MGRN1: variants seen among roughly 807,000 people sequenced by gnomAD.
The protein encoded by MGRN1 is mahogunin ring finger 1, also known as E3 ubiquitin-protein ligase MGRN1.
MGRN1 carries 29 observed loss-of-function variants against 69.2 expected under a neutral mutation model. That is an observed-to-expected ratio of 0.42 (90% CI 0.31 to 0.57). The LOEUF is 0.57. Ranked by LOEUF, MGRN1 falls within the 20% of genes least tolerant of loss-of-function variation. The pLI is 0.15. For missense variants in MGRN1, 998 were observed against 796.2 expected (o/e 1.25, Z -3.05); for synonymous variants, 470 against 344.2 (o/e 1.37, Z -4.04).
In MGRN1 at chr16:4,683,849, G is replaced by A. The variant is rs372499842; in HGVS notation, c.1535G>A (p.Arg512Gln). Residue 512 changes from arginine to glutamine, a missense_variant, in exon 16 of 17, where the codon CGA becomes CAA. Coordinates refer to ENST00000262370, the MANE Select transcript of MGRN1 (RefSeq NM_015246.4). ...DESSSPQQGT[R>Q]AASIENVLQD... ...CCTCACCCTCTGCCTGCAGGGACCCGAGCAGCTTCCATTGAGAATGTCCTG... is the reference window on the plus strand; with the variant it reads ...CCTCACCCTCTGCCTGCAGGGACCCAAGCAGCTTCCATTGAGAATGTCCTG... The A allele has an allele frequency of 1.4e-5, 22 of 1,612,048 alleles. No homozygotes were observed. The highest frequency in any genetic ancestry group is 8.3e-5 in the Admixed American group (5 of 59,944).
chr16:4,653,935 A>G (rs1339393549), intron 4 of MGRN1, among the ~76,000 whole-genome samples: 1 of 152,112 alleles, frequency 6.6e-6, no homozygotes, highest in African/African-American at 2.4e-5. Flanking sequence ...TATTTTTAGT[A>G]GAGACGGGGT....
At chr16:4,644,021 G>T (rs1017662567) in intron 1 of MGRN1, among the ~76,000 whole-genome samples, 2 of 151,980 alleles carry the variant, frequency 1.3e-5, no homozygotes, top group Admixed American at 6.6e-5. Context: ...TGCCCAGGCT[G>T]GAGTGGAGTG....
chr16:4,685,583 G>A (rs1433656301), intron 16 of MGRN1, among the ~76,000 whole-genome samples: 1 of 152,262 alleles, frequency 6.6e-6, no homozygotes, highest in Non-Finnish European at 1.5e-5. Context: ...CAGCCTGCAC[G>A]GCCTCAGTTC....
chr16:4,674,621 C>CTTTTTTTTTTTTTTTTT (rs2079014394), intron 10 of MGRN1, among the ~76,000 whole-genome samples: 1 of 59,796 alleles, frequency 1.7e-5, no homozygotes, highest in African/African-American at 6.5e-5. Context: ...CTTTTCTTTT[C>CTTTTTTTTTTTTTTTTT]TTTTCTTTTT....
In MGRN1 at chr16:4,677,510, G is replaced by C. The variant is rs760512522; in HGVS notation, c.1003G>C (p.Ala335Pro). 6.3e-7 allele frequency: 1 copy of C among 1,595,648 alleles called. No homozygotes were observed. Among genetic ancestry groups the C allele is most frequent in the Non-Finnish European group, 8.5e-7 (1 of 1,177,074 alleles). ...CCGGGCGGTGCGGAAGAAGCCAGGAGCCCTGTCCCCCGTGTCCTTCAGCCC... is the reference window on the plus strand; with the variant it reads ...CCGGGCGGTGCGGAAGAAGCCAGGACCCCTGTCCCCCGTGTCCTTCAGCCC... ...QIRAVRKKPGALSPVSFSPVL... is the reference protein window; with the variant it reads ...QIRAVRKKPGPLSPVSFSPVL... Residue 335 changes from alanine (A) to proline (P), a missense_variant, in exon 11 of 17, where the codon GCC becomes CCC. Ala to Pro is a conservative substitution (Grantham distance 27). Transcript: ENST00000262370.
At chr16:4,686,553 CA>C in intron 16 of MGRN1, 1 of 1,341,508 alleles carries the variant, frequency 7.5e-7, no homozygotes, top group Non-Finnish European at 9.5e-7. Context: ...GGCGGCCGGT[CA>C]GGCTCTTCTT....
chr16:4,663,351 C>T (rs913872902), intron 5 of MGRN1, among the ~76,000 whole-genome samples: 3 of 146,252 alleles, frequency 2.1e-5, no homozygotes, highest in East Asian at 2.0e-4. Context: ...GCGGGAGCCA[C>T]GGCACCTGGC....
chr16:4,659,112 C>T (rs966385853), intron 5 of MGRN1: 2 of 152,058 alleles, frequency 1.3e-5, no homozygotes, highest in Admixed American at 6.5e-5. Context: ...GGAATAGCCA[C>T]TGCAGTCCAG....
chr16:4,672,705 G>T (rs1425742386), intron 9 of MGRN1, among the ~76,000 whole-genome samples: 4 of 152,238 alleles, frequency 2.6e-5, no homozygotes, highest in Admixed American at 2.6e-4. Context: ...TTTATTTATA[G>T]AAACAGGCCA....
Position 4,651,773 on chromosome 16 carries a change from C to T in MGRN1, c.208-190C>T, listed in dbSNP as rs75075193. Among the ~76,000 whole-genome samples, 176 of 152,162 alleles carry T rather than the reference C, an allele frequency of 1.2e-3. 2 individuals are homozygous for T. The East Asian group carries it at 0.029, about 25-fold the overall frequency. On this transcript the variant is annotated intron_variant, in intron 2 of 16. Transcript: ENST00000262370. ...TTGCTCAGGGTGATTTGGTCCTGGC[C>T]GTTGCGTGTGCTGGCTGCGTGGCCT...
At chr16:4,654,658 T>C (rs2078489496) in intron 4 of MGRN1, among the ~76,000 whole-genome samples, 1 of 152,346 alleles carries the variant, frequency 6.6e-6, no homozygotes, top group Non-Finnish European at 1.5e-5. Flanking sequence ...TGCTTGTGCC[T>C]CTGTGTCCTC....
At chr16:4,660,843 G>C (rs1212403214) in intron 5 of MGRN1, among the ~76,000 whole-genome samples, 1 of 152,144 alleles carries the variant, frequency 6.6e-6, no homozygotes, top group Non-Finnish European at 1.5e-5. Context: ...GCCCTGACAG[G>C]CCCCCCAGAC....
intron 12 of MGRN1, 118 bp downstream of exon 12, chr16:4,680,215 C>T: frequency 9.9e-7 from 1 of 1,009,228 alleles, no homozygotes; most frequent in Non-Finnish European, 1.5e-6. Context: ...AACCCGTCAG[C>T]TCCACTTGCC....
intron 8 of MGRN1, among the ~76,000 whole-genome samples, chr16:4,670,665 G>T (rs1165818985): frequency 6.6e-6 from 1 of 152,204 alleles, no homozygotes; most frequent in Non-Finnish European, 1.5e-5. Context: ...GACCAGCCTG[G>T]GCAATGTAGC....
rs753048735 is a variant in MGRN1, at chr16:4,624,958, A to G, written c.-3A>G. The G allele has an allele frequency of 1.9e-6, 3 of 1,545,396 alleles. No individual in the cohort carries two copies. The highest frequency in any genetic ancestry group is 2.6e-6 in the Non-Finnish European group (3 of 1,148,878). On this transcript the variant is annotated 5_prime_UTR_variant, in exon 1 of 17. Transcript: ENST00000262370. ...GCCCCTCTGCCCGGCAGCGCCGCGCACCATGGGCTCCATTCTCAGCCGCCG... is the reference window on the plus strand; with the variant it reads ...GCCCCTCTGCCCGGCAGCGCCGCGCGCCATGGGCTCCATTCTCAGCCGCCG...
At position 4,665,114 on chromosome 16, in the gene MGRN1, C is replaced by T; in HGVS notation, c.641C>T (p.Thr214Ile). Residue 214 changes from threonine (T) to isoleucine (I), a missense_variant, in exon 7 of 17, where the codon ACT becomes ATT. Physicochemically the swap from Thr to Ile is moderately conservative, Grantham distance 89. Coordinates refer to ENST00000262370, the MANE Select transcript of MGRN1 (RefSeq NM_015246.4). ...VVDEGDVVEVTGHAHVLLAAF... is the reference protein window; with the variant it reads ...VVDEGDVVEVIGHAHVLLAAF... ...CTCTCCCCAGCAGTGGTGGAAGTGA[C>T]TGGCCACGCCCACGTGCTCTTGGCT... 1.2e-6 allele frequency: 2 copies of T among 1,614,224 alleles called. No homozygotes were observed. The highest frequency in any genetic ancestry group is 4.5e-5 in the East Asian group (2 of 44,886).
chr16:4,641,111 C>A (rs530561179), intron 1 of MGRN1, among the ~76,000 whole-genome samples: 9 of 152,336 alleles, frequency 5.9e-5, no homozygotes, highest in East Asian at 1.9e-4. Flanking sequence ...TCCTCCACCC[C>A]CTTGGCAGCG....
intron 16 of MGRN1, chr16:4,686,957 G>A (rs537824413): frequency 2.9e-4 from 284 of 985,486 alleles, no homozygotes; most frequent in Middle Eastern, 5.2e-4. Flanking sequence ...CTGGTGCCCA[G>A]GGGAGAGTAT....
intron 1 of MGRN1, 47 bp from the exon 2 acceptor site, chr16:4,650,318 A>C (rs1354627724): frequency 6.5e-6 from 1 of 154,586 alleles, no homozygotes; most frequent in Non-Finnish European, 1.2e-5. Flanking sequence ...ACTCTGTCTC[A>C]AAAAAAAAAA....
Sources: allele counts gnomAD v4.1 joint callset (sites outside exome capture counted in the v4.1 genomes callset), GRCh38; gene constraint gnomAD v4.1.1; transcripts MANE v1.5; gene names NCBI Gene and HGNC (gene_info 2026-07-23, HGNC 2026-07-21).